CDH4: variants seen among roughly 807,000 people sequenced by gnomAD.
CDH4 encodes the protein cadherin-4.
Under a neutral mutation model 86.0 loss-of-function variants are expected in CDH4, and 33 were observed. That is an observed-to-expected ratio of 0.38 (90% CI 0.29 to 0.51). CDH4 has a LOEUF of 0.51. Ranked by LOEUF, CDH4 falls within the 20% of genes least tolerant of loss-of-function variation. CDH4 has a pLI of 0.86. For synonymous variants in CDH4, 555 were observed against 549.4 expected, an observed-to-expected ratio of 1.01 and a Z score of -0.14; for missense variants, 1,114 against 1,307.4, an observed-to-expected ratio of 0.85 and a Z score of 2.28.
At chr20:61,322,970 T>G (rs1371391523) in intron 2 of CDH4, among the ~76,000 whole-genome samples, 1 of 152,128 alleles carries the variant, frequency 6.6e-6, no homozygotes, top group Non-Finnish European at 1.5e-5. Flanking sequence ...AACACTGAGC[T>G]CTAGAACATT....
At chr20:61,347,980 C>T (rs779441399) in intron 2 of CDH4, among the ~76,000 whole-genome samples, 2 of 152,314 alleles carry the variant, frequency 1.3e-5, no homozygotes, top group Non-Finnish European at 2.9e-5. Flanking sequence ...TGGAAACCCA[C>T]GTGTGTATTA....
intron 2 of CDH4, among the ~76,000 whole-genome samples, chr20:61,672,854 G>A (rs1158570797): frequency 6.6e-6 from 1 of 152,134 alleles, no homozygotes; most frequent in East Asian, 1.9e-4. Context: ...ATCAAGAAGG[G>A]AATGGGTGAG....
rs766843197 is a variant in CDH4 at position 61,319,387 on chromosome 20, C to T, written c.169+64450C>T. ...GCTCCACCGGGAAGCAGGGCTAGAT[C>T]GCACTGTTAAGAGTGCATCACATGT... On this transcript the variant is annotated intron_variant, in intron 2 of 15. Coordinates refer to ENST00000614565, the MANE Select transcript of CDH4 (RefSeq NM_001794.5). Among the ~76,000 whole-genome samples, 9 of 152,212 alleles carry T rather than the reference C, an allele frequency of 5.9e-5. No individual in the cohort carries two copies. In the Middle Eastern group the frequency reaches 0.01, roughly 173 times the overall value.
chr20:61,612,127 G>A (rs1281028064), intron 2 of CDH4, among the ~76,000 whole-genome samples: 1 of 152,036 alleles, frequency 6.6e-6, no homozygotes, highest in African/African-American at 2.4e-5. Context: ...ATATTTTCAA[G>A]TACTTGCAAT....
At chr20:61,529,217 A>C (rs1367077840) in intron 2 of CDH4, among the ~76,000 whole-genome samples, 1 of 152,226 alleles carries the variant, frequency 6.6e-6, no homozygotes, top group Admixed American at 6.5e-5. Context: ...CAGGAAGATA[A>C]ATTTACATAG....
At chr20:61,884,075 T>C (rs1984424878) in intron 7 of CDH4, among the ~76,000 whole-genome samples, 1 of 152,206 alleles carries the variant, frequency 6.6e-6, no homozygotes, top group African/African-American at 2.4e-5. Context: ...TGGGAAATGC[T>C]GGTGTTTTCT....
chr20:61,513,337 C>CG (rs2085794367), intron 2 of CDH4, among the ~76,000 whole-genome samples: 1 of 152,206 alleles, frequency 6.6e-6, no homozygotes, highest in Non-Finnish European at 1.5e-5. Context: ...AGCACGACTG[C>CG]GGGGGCTAAC....
chr20:61,382,716 C>T lies in CDH4; in HGVS notation c.169+127779C>T, dbSNP rs545327461. The stretch of plus-strand genomic sequence containing the variant: ...GCGGCCATGTCATTCCAGGCTTTGC[C>T]TCTGTCTTCATGTGGTTCTCCTCGG... On this transcript the variant is annotated intron_variant, in intron 2 of 15. Coordinates refer to ENST00000614565, the MANE Select transcript of CDH4 (RefSeq NM_001794.5). Among the ~76,000 whole-genome samples the T allele has an allele frequency of 2.0e-5, 3 of 152,284 alleles. No individual in the cohort carries two copies. In the South Asian group the frequency reaches 6.2e-4, roughly 32 times the overall value.
At position 61,582,416 on chromosome 20, in the gene CDH4, C is replaced by T. The variant is rs148031376; in HGVS notation, c.170-161147C>T. On this transcript the variant is annotated intron_variant, in intron 2 of 15. Transcript: ENST00000614565. The surrounding 1 kb of genome is among the most constrained non-coding windows in gnomAD (Gnocchi z 4.2). ...CCATCCCCCTGCCTGGGGCCCTGTCCGCAAGTCCTTCTCAGAACCATCCCA... is the reference window on the plus strand; with the variant it reads ...CCATCCCCCTGCCTGGGGCCCTGTCTGCAAGTCCTTCTCAGAACCATCCCA... Among the ~76,000 whole-genome samples, 8 of 152,350 alleles carry T rather than the reference C, an allele frequency of 5.3e-5. No homozygotes were observed. Among genetic ancestry groups the T allele is most frequent in the East Asian group, 1.9e-4 (1 of 5,182 alleles).
intron 2 of CDH4, among the ~76,000 whole-genome samples, chr20:61,366,232 T>C (rs551165789): frequency 6.6e-6 from 1 of 152,284 alleles, no homozygotes; most frequent in East Asian, 1.9e-4. Flanking sequence ...TCACTTTGAA[T>C]TCATTCCTAG....
At position 61,516,562 on chromosome 20, in the gene CDH4, C is replaced by G. The variant is rs529004147; in HGVS notation, c.170-227001C>G. 7.2e-5 allele frequency among the ~76,000 whole-genome samples: 11 copies of G among 152,180 alleles called. No individual in the cohort carries two copies. The highest frequency in any genetic ancestry group is 1.5e-4 in the Non-Finnish European group (10 of 68,042). On this transcript the variant is annotated intron_variant, in intron 2 of 15. Transcript: ENST00000614565. This position sits in a 1 kb window ranked among gnomAD's most constrained non-coding sequence, Gnocchi z 4.0. ...ACTACATCTGCCTCAGACCTGCCCC[C>G]CTGAGTCACAGCATCACAGAAAACA...
At chr20:61,462,671 C>A (rs1309419478) in intron 2 of CDH4, among the ~76,000 whole-genome samples, 2 of 152,172 alleles carry the variant, frequency 1.3e-5, no homozygotes, top group Admixed American at 1.3e-4. Context: ...ATTGGGGCTC[C>A]CCCCTCTCCC....
At chr20:61,870,801 G>T (rs1983771236) in intron 6 of CDH4, among the ~76,000 whole-genome samples, 1 of 152,158 alleles carries the variant, frequency 6.6e-6, no homozygotes, top group Admixed American at 6.5e-5. Flanking sequence ...GCCAACATTG[G>T]CTTCACTTGC....
At chr20:61,755,066 A>G (rs2088545091) in intron 3 of CDH4, 1 of 152,254 alleles carries the variant, frequency 6.6e-6, no homozygotes, top group Admixed American at 6.5e-5. Context: ...GCAGCAAAAG[A>G]AAATGAGGAA....
In CDH4 at chr20:61,430,735, G is replaced by A. The variant is rs149435407; in HGVS notation, c.169+175798G>A. 4.4e-3 allele frequency among the ~76,000 whole-genome samples: 676 copies of A among 152,268 alleles called. 6 individuals are homozygous for A. The highest frequency in any genetic ancestry group is 6.2e-3 in the Non-Finnish European group (421 of 68,028). On this transcript the variant is annotated intron_variant, in intron 2 of 15. Transcript: ENST00000614565. ...GATATGCAAAGCAGCTGCTCCACACGCATTACACCTTCACATTAACCGAAA... is the reference window on the plus strand; with the variant it reads ...GATATGCAAAGCAGCTGCTCCACACACATTACACCTTCACATTAACCGAAA...
At chr20:61,579,284 G>A (rs999028661) in intron 2 of CDH4, among the ~76,000 whole-genome samples, 2 of 104,222 alleles carry the variant, frequency 1.9e-5, no homozygotes, top group Non-Finnish European at 3.8e-5. Flanking sequence ...CCTCGATGGA[G>A]ATTTTTTTTT....
chr20:61,625,178 G>A (rs879238102), intron 2 of CDH4, among the ~76,000 whole-genome samples: 2 of 152,124 alleles, frequency 1.3e-5, no homozygotes, highest in African/African-American at 2.4e-5. Context: ...CACCTCTCCC[G>A]AGCTGTGCAT....
At chr20:61,766,539 A>G (rs1195752105) in intron 3 of CDH4, among the ~76,000 whole-genome samples, 1 of 151,998 alleles carries the variant, frequency 6.6e-6, no homozygotes, top group African/African-American at 2.4e-5. Context: ...ACAGTACCAC[A>G]TTCACCCCAC....
intron 2 of CDH4, among the ~76,000 whole-genome samples, chr20:61,649,482 C>T (rs1354929139): frequency 6.6e-6 from 1 of 152,210 alleles, no homozygotes; most frequent in African/African-American, 2.4e-5. Flanking sequence ...GGAAGTTGTA[C>T]ATCCAGGTCA....
Sources: allele counts gnomAD v4.1 joint callset (sites outside exome capture counted in the v4.1 genomes callset), GRCh38; gene constraint gnomAD v4.1.1; non-coding constraint Gnocchi (gnomAD v3.1); transcripts MANE v1.5; gene names NCBI Gene and HGNC (gene_info 2026-07-23, HGNC 2026-07-21).